The following PATJ variants were observed in gnomAD, a reference collection of about 807,000 sequenced individuals.
PATJ encodes the protein inaD-like protein.
A neutral mutation model predicts 224.9 loss-of-function variants in PATJ; 190 were observed. That is an observed-to-expected ratio of 0.84 (90% confidence interval 0.75 to 0.95). The LOEUF (loss-of-function observed/expected upper bound fraction) is 0.95, where lower values mean the gene tolerates loss of function less well. Among genes scored for constraint, PATJ ranks in the 40% least tolerant of loss-of-function variants. The pLI is 0.00. For synonymous variants in PATJ, 769 were observed against 820.3 expected, an observed-to-expected ratio of 0.94 and a Z score of 1.07; for missense variants, 2,121 against 2,270.3, an observed-to-expected ratio of 0.93 and a Z score of 1.34.
At chr1:62,106,778 A>T (rs1165153717) in intron 33 of PATJ, among the ~76,000 whole-genome samples, 1 of 152,004 alleles carries the variant, frequency 6.6e-6, no homozygotes, top group Non-Finnish European at 1.5e-5. Context: ...AGCCTATAAG[A>T]TCTCTCAAGT....
intron 27 of PATJ, among the ~76,000 whole-genome samples, chr1:61,938,263 G>C (rs1677195681): frequency 6.6e-6 from 1 of 152,144 alleles, no homozygotes; most frequent in African/African-American, 2.4e-5. Context: ...ATTGGTTGGG[G>C]TATCAAGGTA....
chr1:61,888,920 T>C (rs1669231474), intron 22 of PATJ, among the ~76,000 whole-genome samples: 1 of 152,242 alleles, frequency 6.6e-6, no homozygotes, highest in African/African-American at 2.4e-5. Flanking sequence ...AGCCTTGCAC[T>C]TGAAAGTTGT....
chr1:61,949,079 G>C (rs191129692), intron 27 of PATJ, among the ~76,000 whole-genome samples: 2 of 139,216 alleles, frequency 1.4e-5, no homozygotes, highest in Non-Finnish European at 3.1e-5. Flanking sequence ...TCGGCGGGGA[G>C]CGGGGAGGGA....
At chr1:61,977,149 G>A (rs922251034) in intron 27 of PATJ, among the ~76,000 whole-genome samples, 1 of 151,990 alleles carries the variant, frequency 6.6e-6, no homozygotes, top group South Asian at 2.1e-4. Flanking sequence ...GTGTAGTGGC[G>A]TGATCATGGC....
chr1:62,020,938 G>T (rs1647043066), intron 29 of PATJ, among the ~76,000 whole-genome samples: 1 of 152,026 alleles, frequency 6.6e-6, no homozygotes, highest in South Asian at 2.1e-4. Context: ...CAATTCTCAT[G>T]CCTCAATCTC....
chr1:62,158,720 C>CAAAAAA (rs778301408), intron 43 of PATJ, among the ~76,000 whole-genome samples: 4 of 77,084 alleles, frequency 5.2e-5, no homozygotes, highest in Non-Finnish European at 7.2e-5. Context: ...GACTCTGTCT[C>CAAAAAA]AAAAAAAAAA....
At chr1:61,991,807 CT>C in intron 28 of PATJ, 1 of 921,080 alleles carries the variant, frequency 1.1e-6, no homozygotes, top group Non-Finnish European at 1.3e-6. Flanking sequence ...TTTCCTTTGG[CT>C]TATGTTTAGA....
intron 17 of PATJ, among the ~76,000 whole-genome samples, chr1:61,842,273 G>C (rs1661220723): frequency 1.3e-5 from 2 of 152,162 alleles, no homozygotes; most frequent in Admixed American, 6.5e-5. Context: ...CAGCTGCAGG[G>C]GGATAAAGTT....
At chr1:61,927,473 T>C (rs1675378502) in intron 26 of PATJ, among the ~76,000 whole-genome samples, 1 of 152,202 alleles carries the variant, frequency 6.6e-6, no homozygotes, top group Non-Finnish European at 1.5e-5. Context: ...TGCACTCCTT[T>C]AGGTAGGTCA....
intron 24 of PATJ, among the ~76,000 whole-genome samples, chr1:61,906,106 T>C (rs1281848244): frequency 6.6e-6 from 1 of 152,100 alleles, no homozygotes; most frequent in Non-Finnish European, 1.5e-5. Context: ...GTTAATTTAC[T>C]AGGGCAGCTC....
intron 29 of PATJ, among the ~76,000 whole-genome samples, chr1:62,035,928 T>A (rs935932030): frequency 6.6e-6 from 1 of 152,054 alleles, no homozygotes; most frequent in Non-Finnish European, 1.5e-5. Context: ...CCAAAGTATT[T>A]GTCAAGCAGA....
At chr1:61,932,742 A>G (rs1424459051) in intron 27 of PATJ, among the ~76,000 whole-genome samples, 1 of 152,166 alleles carries the variant, frequency 6.6e-6, no homozygotes, top group African/African-American at 2.4e-5. Context: ...TCTACTAAAA[A>G]TACAAAAATT....
At chr1:61,878,442 AC>A (rs1266156031) in intron 21 of PATJ, among the ~76,000 whole-genome samples, 2 of 152,122 alleles carry the variant, frequency 1.3e-5, no homozygotes, top group African/African-American at 2.4e-5. Context: ...AACTGATTGG[AC>A]CCTGATTCCA....
intron 31 of PATJ, among the ~76,000 whole-genome samples, chr1:62,071,782 C>T (rs758541390): frequency 3.6e-4 from 55 of 152,250 alleles, no homozygotes; most frequent in African/African-American, 7.2e-4. Context: ...CCACTGCGCC[C>T]GGCCAGGTTT....
chr1:61,818,512 T>C (rs569719516), intron 14 of PATJ, among the ~76,000 whole-genome samples: 1 of 152,350 alleles, frequency 6.6e-6, no homozygotes, highest in East Asian at 1.9e-4. Flanking sequence ...TAAATGCAGC[T>C]GGGACAGGTA....
chr1:61,797,275 T>C lies in PATJ; in HGVS notation c.1261-12T>C, dbSNP rs375216026. Reference sequence around the variant, plus strand: ...TTAAAACCTCTGCTTAATGTTTCTCTTGATGTTTTAGGTCGATGGCGTGAA... The same window carrying C: ...TTAAAACCTCTGCTTAATGTTTCTCCTGATGTTTTAGGTCGATGGCGTGAA... On this transcript the variant is annotated splice_polypyrimidine_tract_variant and intron_variant, in intron 10 of 43. Transcript: ENST00000642238. The C allele has an allele frequency of 7.5e-6, 12 of 1,606,446 alleles. No homozygotes were observed. Among genetic ancestry groups the C allele is most frequent in the Non-Finnish European group, 1.0e-5 (12 of 1,173,812 alleles).
intron 28 of PATJ, among the ~76,000 whole-genome samples, chr1:62,002,709 CAAAAAAAAAAA>C (rs766357883): frequency 0.029 from 3,281 of 112,814 alleles, 96 homozygotes; most frequent in African/African-American, 0.069. Flanking sequence ...AACTCTGTCT[CAAAAAAAAAAA>C]AAAAAAAAAA....
chr1:61,870,180 G>A (rs534286764), intron 20 of PATJ, among the ~76,000 whole-genome samples: 29 of 152,248 alleles, frequency 1.9e-4, no homozygotes, highest in Middle Eastern at 3.4e-3. Flanking sequence ...TGGCAAATGC[G>A]GGGATTTTAT....
intron 41 of PATJ, among the ~76,000 whole-genome samples, chr1:62,144,772 A>C (rs201469992): frequency 0.03 from 2,418 of 79,322 alleles, 90 homozygotes; most frequent in African/African-American, 0.04. Flanking sequence ...TTTGCAAAAA[A>C]AAAAAATATA....
Sources: allele counts gnomAD v4.1 joint callset (sites outside exome capture counted in the v4.1 genomes callset), GRCh38; gene constraint gnomAD v4.1.1; transcripts MANE v1.5; gene names NCBI Gene and HGNC (gene_info 2026-07-23, HGNC 2026-07-21).